Variants in THTPA observed in about 807,000 individuals in gnomAD.
THTPA encodes thiamine triphosphatase.
In THTPA, 16 loss-of-function variants were observed where a neutral mutation model predicts 16.5. That is an observed-to-expected ratio of 0.97 (90% CI 0.66 to 1.47). The LOEUF (loss-of-function observed/expected upper bound fraction) is 1.47, where lower values mean the gene tolerates loss of function less well. Among genes scored for constraint, THTPA ranks in the 40% most tolerant of loss-of-function variants. The pLI is 0.00. For synonymous variants in THTPA, 110 were observed against 115.5 expected (o/e 0.95, Z 0.30); for missense variants, 281 against 280.9 (o/e 1.00, Z 0.00).
At chr14:23,526,255 A>G in the THTPA span, 3 of 1,536,360 alleles carry the variant, frequency 2.0e-6, no homozygotes, top group Middle Eastern at 1.7e-4. Flanking sequence ...CTCCCCGTGC[A>G]GGGGCAGAGG....
chr14:23,553,119 C>T (rs1195625628), upstream of THTPA, among the ~76,000 whole-genome samples: 1 of 152,184 alleles, frequency 6.6e-6, no homozygotes, highest in Non-Finnish European at 1.5e-5. Flanking sequence ...ACTCAAAAAC[C>T]TCCATGGTCT....
At chr14:23,532,470 C>T in the THTPA span, 2 of 1,363,920 alleles carry the variant, frequency 1.5e-6, no homozygotes, top group Non-Finnish European at 1.9e-6. Context: ...CTCCATTTGT[C>T]ACCCAGGGTT....
chr14:23,516,920 G>T, the THTPA span, among the ~76,000 whole-genome samples: 12 of 152,164 alleles, frequency 7.9e-5, no homozygotes, highest in Non-Finnish European at 1.6e-4. Flanking sequence ...TACTGGTTGT[G>T]GTGTCTTAGC....
At chr14:23,533,088 G>A in the THTPA span, 3 of 1,519,560 alleles carry the variant, frequency 2.0e-6, no homozygotes, top group Admixed American at 6.0e-5. This position sits in a 1 kb window ranked among gnomAD's most constrained non-coding sequence, Gnocchi z 4.8. Context: ...CCAGGGGCTA[G>A]AGGACAGAGA....
chr14:23,526,099 AGTCTTG>A, the THTPA span: 1 of 1,536,398 alleles, frequency 6.5e-7, no homozygotes, highest in Non-Finnish European at 8.7e-7. Context: ...TCTTGGAATC[AGTCTTG>A]GTTCCCCGAG....
upstream of THTPA, among the ~76,000 whole-genome samples, chr14:23,554,824 A>G (rs1415048426): frequency 6.6e-6 from 1 of 152,112 alleles, no homozygotes; most frequent in Non-Finnish European, 1.5e-5. Flanking sequence ...GGAGTCCAGG[A>G]GTTAAGAGCC....
the THTPA span, chr14:23,527,040 ATCTG>A: frequency 6.9e-7 from 1 of 1,442,842 alleles, no homozygotes; most frequent in Non-Finnish European, 9.1e-7. Flanking sequence ...CTCCTGACCC[ATCTG>A]CCCTACACCT....
chr14:23,553,514 G>T (rs1418266959), upstream of THTPA, among the ~76,000 whole-genome samples: 1 of 151,536 alleles, frequency 6.6e-6, no homozygotes, highest in Non-Finnish European at 1.5e-5. Flanking sequence ...CAGAAGAATC[G>T]CTTGAACCCG....
At chr14:23,514,737 G>A in the THTPA span, among the ~76,000 whole-genome samples, 1 of 152,140 alleles carries the variant, frequency 6.6e-6, no homozygotes, top group Non-Finnish European at 1.5e-5. Flanking sequence ...CACCAAACAT[G>A]CTCATGATGC....
At chr14:23,520,723 A>T in the THTPA span, 4 of 147,790 alleles carry the variant, frequency 2.7e-5, no homozygotes, top group Non-Finnish European at 6.0e-5. The surrounding 1 kb of genome is among the most constrained non-coding windows in gnomAD (Gnocchi z 8.7). Flanking sequence ...TTCGAGGACC[A>T]CCAGACCCAT....
the THTPA span, chr14:23,526,547 T>A: frequency 6.5e-7 from 1 of 1,535,782 alleles, no homozygotes; most frequent in Non-Finnish European, 8.7e-7. Flanking sequence ...GGCATCAGGT[T>A]CAGGGACTGG....
upstream of THTPA, among the ~76,000 whole-genome samples, chr14:23,553,005 A>G (rs1882090135): frequency 6.6e-6 from 1 of 152,200 alleles, no homozygotes; most frequent in African/African-American, 2.4e-5. Flanking sequence ...CTCAAGCATG[A>G]GGTAGATGCT....
chr14:23,554,039 A>C (rs1291022077), upstream of THTPA, among the ~76,000 whole-genome samples: 3 of 57,996 alleles, frequency 5.2e-5, no homozygotes, highest in East Asian at 1.8e-3. Context: ...ACTCTGTCTC[A>C]AAAAAAAAAA....
the THTPA span, chr14:23,527,495 C>A: frequency 7.2e-7 from 1 of 1,384,632 alleles, no homozygotes; most frequent in Non-Finnish European, 9.8e-7. Context: ...TGCCTGAATG[C>A]CCCCTGCCCC....
rs754505004 is a variant in THTPA, at chr14:23,560,242, G to T, written c.*1402G>T. On this transcript the variant is annotated 3_prime_UTR_variant, in exon 2 of 2. Transcript: ENST00000288014. ...AGTCCCCAGGCCACCTCTGAACTCT[G>T]ATCTTTACAAACCTTGGGCACAGCA... 4 of 1,612,774 alleles carry T rather than the reference G, an allele frequency of 2.5e-6. No individual in the cohort carries two copies.
the THTPA span, chr14:23,534,054 G>C: frequency 4.0e-5 from 61 of 1,532,270 alleles, no homozygotes; most frequent in African/African-American, 7.5e-4. This position sits in a 1 kb window ranked among gnomAD's most constrained non-coding sequence, Gnocchi z 4.5. Flanking sequence ...CTGGGGTGTA[G>C]TCATCAGCTA....
chr14:23,534,718 C>T, the THTPA span: 1 of 1,536,172 alleles, frequency 6.5e-7, no homozygotes, highest in Non-Finnish European at 8.7e-7. The surrounding 1 kb of genome is among the most constrained non-coding windows in gnomAD (Gnocchi z 4.5). Context: ...AGCTCCATGC[C>T]TTTCCTCACA....
At chr14:23,525,028 C>T in the THTPA span, 2 of 1,536,210 alleles carry the variant, frequency 1.3e-6, no homozygotes, top group Non-Finnish European at 1.7e-6. This position sits in a 1 kb window ranked among gnomAD's most constrained non-coding sequence, Gnocchi z 5.9. Flanking sequence ...ACACCACCAC[C>T]ACACGGCTAG....
the THTPA span, chr14:23,530,039 T>C: frequency 7.5e-7 from 1 of 1,339,908 alleles, no homozygotes; most frequent in African/African-American, 1.5e-5. Flanking sequence ...GCACAGACAT[T>C]GCTGGGCTCC....
Sources: allele counts gnomAD v4.1 joint callset (sites outside exome capture counted in the v4.1 genomes callset), GRCh38; gene constraint gnomAD v4.1.1; non-coding constraint Gnocchi (gnomAD v3.1); transcripts MANE v1.5; gene names NCBI Gene and HGNC (gene_info 2026-07-23, HGNC 2026-07-21).